The following PUM3 variants were observed in gnomAD, a reference collection of about 807,000 sequenced individuals.
The protein encoded by PUM3 is pumilio homolog 3.
Under a neutral mutation model 84.0 loss-of-function variants are expected in PUM3, and 91 were observed. The ratio of observed to expected loss-of-function variants is 1.08; its 90% CI spans 0.91 to 1.29. PUM3 has a LOEUF of 1.29. PUM3 is among the 50% of genes most tolerant of loss of function. The pLI, the probability that PUM3 is intolerant of heterozygous loss-of-function variation, is 0.00. For synonymous variants in PUM3, 321 were observed against 266.7 expected (o/e 1.20, Z -1.98); for missense variants, 1,067 against 767.5 (o/e 1.39, Z -4.61).
chr9:2,825,106 T>C (rs1366775325), intron 10 of PUM3, among the ~76,000 whole-genome samples: 1 of 152,162 alleles, frequency 6.6e-6, no homozygotes, highest in Non-Finnish European at 1.5e-5. Flanking sequence ...TGTAATATAA[T>C]ATATTCTAAA....
intron 7 of PUM3, among the ~76,000 whole-genome samples, chr9:2,830,286 C>T (rs1360665448): frequency 6.6e-6 from 1 of 152,202 alleles, no homozygotes; most frequent in Non-Finnish European, 1.5e-5. Context: ...CTGGAAACTA[C>T]AGCTAGGAAT....
chr9:2,835,013 C>CA (rs56393910), intron 3 of PUM3, among the ~76,000 whole-genome samples: 60,928 of 119,716 alleles, frequency 0.51, 13,628 homozygotes, highest in South Asian at 0.62. Context: ...GGGAAAAATG[C>CA]AAAAAAAAAA....
intron 11 of PUM3, 72 bp from the exon 12 acceptor site, chr9:2,823,906 A>G (rs1445946800): frequency 1.4e-5 from 10 of 731,920 alleles, no homozygotes; most frequent in Non-Finnish European, 2.0e-5. Flanking sequence ...AAACATTTTA[A>G]TATAATATTT....
chr9:2,811,993 G>C (rs1051383312), intron 14 of PUM3, among the ~76,000 whole-genome samples: 1 of 152,176 alleles, frequency 6.6e-6, no homozygotes, highest in African/African-American at 2.4e-5. Context: ...CCACGCACTT[G>C]AATGCCTACT....
At chr9:2,806,695 CAACT>C (rs1821264944) in intron 17 of PUM3, among the ~76,000 whole-genome samples, 1 of 152,174 alleles carries the variant, frequency 6.6e-6, no homozygotes, top group Admixed American at 6.5e-5. Context: ...ATTATAAACT[CAACT>C]AAGTTCAGAG....
At chr9:2,827,535 C>T (rs1815856764) in intron 9 of PUM3, among the ~76,000 whole-genome samples, 1 of 152,164 alleles carries the variant, frequency 6.6e-6, no homozygotes. Flanking sequence ...TCTGTTAACA[C>T]CCTTCACAAT....
intron 12 of PUM3, among the ~76,000 whole-genome samples, chr9:2,820,565 A>G (rs981562002): frequency 2.0e-5 from 3 of 152,128 alleles, no homozygotes; most frequent in Admixed American, 6.5e-5. Context: ...TACATAATAC[A>G]TGTACACAGA....
At position 2,804,286 on chromosome 9, in the gene PUM3, A is replaced by C; in HGVS notation, c.*45T>G. The C allele has an allele frequency of 6.3e-7, 1 of 1,596,076 alleles. No homozygotes were observed. The highest frequency in any genetic ancestry group is 8.5e-7 in the Non-Finnish European group (1 of 1,171,298). On this transcript the variant is annotated 3_prime_UTR_variant, in exon 18 of 18. Coordinates refer to ENST00000397885, the MANE Select transcript of PUM3 (RefSeq NM_014878.5). ...TCTTTTCTGCATTGGGAAACAGAAC[A>C]GAGAACAGAAAAAATCATTCCATCT...
In PUM3 at chr9:2,826,933, GGAGTT is replaced by G. The variant is rs1031225421; in HGVS notation, c.1035+135_1035+139del. The G allele has an allele frequency of 1.0e-4, 66 of 657,012 alleles. No homozygotes were observed. The African/African-American group carries it at 1.1e-3, about 10-fold the overall frequency. The allele number at this position is 657,012 out of a possible 1,614,324, so 40.7% of individuals were successfully genotyped here. On this transcript the variant is annotated intron_variant, in intron 10 of 17. Transcript: ENST00000397885. ...ATGGAATTAGCAAACGTGTTCAAAGGGAGTTGAGTAAATTATCTTCCCTAAATAAG... is the reference window on the plus strand; with the variant it reads ...ATGGAATTAGCAAACGTGTTCAAAGGGAGTAAATTATCTTCCCTAAATAAG...
chr9:2,833,505 T>G (rs1049257074), intron 4 of PUM3, 73 bp from the exon 5 acceptor site: 4 of 782,108 alleles, frequency 5.1e-6, no homozygotes, highest in Non-Finnish European at 8.2e-6. Flanking sequence ...TTAAAAACTG[T>G]ACCAGTATAT....
At chr9:2,811,040 G>A (rs1821356895) in intron 15 of PUM3, among the ~76,000 whole-genome samples, 1 of 152,174 alleles carries the variant, frequency 6.6e-6, no homozygotes, top group African/African-American at 2.4e-5. Context: ...AATATGGTCA[G>A]GAGCCAGGGC....
In PUM3 at chr9:2,806,941, G is replaced by C. The variant is rs190156089; in HGVS notation, c.1814+873C>G. Among the ~76,000 whole-genome samples the C allele has an allele frequency of 5.1e-4, 77 of 152,316 alleles. 1 individual carries two copies. The highest frequency in any genetic ancestry group is 1.8e-3 in the African/African-American group (73 of 41,564). On this transcript the variant is annotated intron_variant, in intron 17 of 17. Coordinates refer to ENST00000397885, the MANE Select transcript of PUM3 (RefSeq NM_014878.5). ...AAAAAAATACAGGCTGGGCACAGTG[G>C]CTCATGCCTGTAATCCCAGCACTTT...
intron 3 of PUM3, among the ~76,000 whole-genome samples, chr9:2,834,390 T>C (rs1018497864): frequency 1.3e-5 from 2 of 152,196 alleles, no homozygotes; most frequent in African/African-American, 4.8e-5. Flanking sequence ...TCTAACAGGA[T>C]ACCTATTAAG....
rs765261748 is a variant in PUM3, at chr9:2,837,395, C to T, written c.89G>A (p.Gly30Asp). ...KNRFHKNSDS[G>D]SSKTFPTRKV... Reference sequence around the variant, plus strand: ...CCTTGTTGGAAATGTCTTTGAAGAACCAGAATCTAGTGACAATAATAATTA... The same window carrying T: ...CCTTGTTGGAAATGTCTTTGAAGAATCAGAATCTAGTGACAATAATAATTA... The change falls in exon 3 of 18, where the codon GGT (glycine) becomes GAT (aspartate). Residue 30 changes from glycine (G) to aspartate (D), a missense_variant. Coordinates refer to ENST00000397885, the MANE Select transcript of PUM3 (RefSeq NM_014878.5). 1 of 1,600,494 alleles carries T rather than the reference C, an allele frequency of 6.2e-7. No individual in the cohort carries two copies. Among genetic ancestry groups the T allele is most frequent in the South Asian group, 1.1e-5 (1 of 90,434 alleles).
At position 2,811,518 on chromosome 9, in the gene PUM3, T is replaced by C. The variant is rs750978628; in HGVS notation, c.1478A>G (p.Tyr493Cys). The C allele has an allele frequency of 4.3e-6, 7 of 1,614,074 alleles. No homozygotes were observed. Among genetic ancestry groups the C allele is most frequent in the African/African-American group, 2.7e-5 (2 of 74,938 alleles). ...CACTTCTTGGGCGTGTTCTTGCAGG[T>C]AGCTTAACAAAGCTGGAGAAATGGA... ...LESISPALLS[Y>C]LQEHAQEVVL... The change falls in exon 15 of 18, where the codon TAC becomes TGC. Residue 493 changes from tyrosine to cysteine, a missense_variant. By Grantham distance (194) the Tyr-to-Cys change is radical. Transcript: ENST00000397885.
At chr9:2,822,209 A>C (rs1563829994) in intron 12 of PUM3, among the ~76,000 whole-genome samples, 1 of 152,194 alleles carries the variant, frequency 6.6e-6, no homozygotes, top group Non-Finnish European at 1.5e-5. Flanking sequence ...ACTAGAAAAT[A>C]ATAAGTCAGT....
intron 13 of PUM3, among the ~76,000 whole-genome samples, chr9:2,812,980 A>C (rs1441612330): frequency 6.6e-6 from 1 of 152,146 alleles, no homozygotes; most frequent in East Asian, 1.9e-4. Context: ...AGATAAAGAA[A>C]CTCTGTTAAA....
At chr9:2,830,706 A>C (rs867755144) in intron 7 of PUM3, among the ~76,000 whole-genome samples, 3 of 152,288 alleles carry the variant, frequency 2.0e-5, no homozygotes, top group Admixed American at 1.3e-4. Context: ...ACCTCCATCA[A>C]AGTCATAAAT....
At chr9:2,840,700 C>A (rs1816245176) in intron 1 of PUM3, among the ~76,000 whole-genome samples, 1 of 152,220 alleles carries the variant, frequency 6.6e-6, no homozygotes, top group Non-Finnish European at 1.5e-5. Flanking sequence ...GGAAGTTTCT[C>A]AGGTTGCTTC....
Sources: gnomAD v4.1 joint callset for allele counts (sites outside exome capture counted in the v4.1 genomes callset) on GRCh38, gnomAD v4.1.1 for gene constraint, MANE v1.5 for transcripts, NCBI Gene and HGNC (gene_info 2026-07-23, HGNC 2026-07-21) for gene names.